ITGA2: variants seen among roughly 807,000 people sequenced by gnomAD.
ITGA2 encodes integrin alpha-2.
A neutral mutation model predicts 146.3 loss-of-function variants in ITGA2; 101 were observed. The ratio of observed to expected loss-of-function variants is 0.69; its 90% CI spans 0.59 to 0.81. ITGA2 has a LOEUF of 0.81. ITGA2 is among the 40% of genes least tolerant of loss of function. The pLI, the probability that ITGA2 is intolerant of heterozygous loss-of-function variation, is 0.00. For missense variants in ITGA2, 1,281 were observed against 1,402.7 expected (o/e 0.91, Z 1.39); for synonymous variants, 477 against 487.1 (o/e 0.98, Z 0.27).
intron 1 of ITGA2, among the ~76,000 whole-genome samples, chr5:53,019,149 A>C (rs1341005142): frequency 6.7e-6 from 1 of 149,052 alleles, no homozygotes; most frequent in Non-Finnish European, 1.5e-5. Flanking sequence ...GGGTACTTTA[A>C]AAAAATAATT....
At chr5:53,088,324 C>G (rs951269977) in intron 28 of ITGA2, among the ~76,000 whole-genome samples, 27 of 152,040 alleles carry the variant, frequency 1.8e-4, no homozygotes, top group Admixed American at 1.8e-3. Context: ...TTGGTTTCCT[C>G]TGAGCAATAC....
At chr5:53,028,808 A>G (rs1561102525) in intron 2 of ITGA2, among the ~76,000 whole-genome samples, 1 of 152,158 alleles carries the variant, frequency 6.6e-6, no homozygotes, top group Non-Finnish European at 1.5e-5. Context: ...TCCTATCACC[A>G]AAATACCAAT....
rs1402170053 is a variant in ITGA2, at chr5:53,090,502, T to C, written c.3466-17T>C. The C allele has an allele frequency of 3.1e-6, 5 of 1,612,114 alleles. No individual in the cohort carries two copies. Among genetic ancestry groups the C allele is most frequent in the East Asian group, 2.2e-5 (1 of 44,868 alleles). The stretch of plus-strand genomic sequence containing the variant: ...TAAGCCACGGGTGGTAACATTCTTA[T>C]ATCATCACCTTTACAGCTCGGCTTC... On this transcript the variant is annotated splice_polypyrimidine_tract_variant and intron_variant, in intron 29 of 29. Transcript: ENST00000296585.
At chr5:53,003,032 T>C (rs1392593319) in intron 1 of ITGA2, among the ~76,000 whole-genome samples, 3 of 152,192 alleles carry the variant, frequency 2.0e-5, no homozygotes, top group African/African-American at 7.2e-5. Flanking sequence ...GCTTTATTCT[T>C]ATGATAACCA....
In ITGA2 at chr5:53,062,915, TTTACTATCAAAGAGGTA is replaced by T; in HGVS notation, c.1589_1602+3del. On this transcript the variant is annotated splice_donor_variant and splice_donor_region_variant and coding_sequence_variant and intron_variant, in exon 13 of 30. Transcript: ENST00000296585. LOFTEE classifies it high-confidence loss of function. Reference sequence around the variant, plus strand: ...GAAAGAGGAAGGAAGAGTCTACCTGTTTACTATCAAAGAGGTAAAAAAAAAAAAATAAACTAATAGTT... The same window carrying T: ...GAAAGAGGAAGGAAGAGTCTACCTGTAAAAAAAAAAAATAAACTAATAGTT... 6.2e-7 allele frequency: 1 copy of T among 1,610,472 alleles called. No homozygotes were observed. The highest frequency in any genetic ancestry group is 1.1e-5 in the South Asian group (1 of 90,892).
intron 1 of ITGA2, among the ~76,000 whole-genome samples, chr5:53,024,924 A>G (rs890711975): frequency 1.3e-5 from 2 of 152,186 alleles, no homozygotes; most frequent in African/African-American, 4.8e-5. Flanking sequence ...ATATATATCT[A>G]TGCATATATA....
chr5:53,087,624 T>TAA (rs772266428), intron 28 of ITGA2, among the ~76,000 whole-genome samples: 24,986 of 117,868 alleles, frequency 0.21, 2,229 homozygotes, highest in East Asian at 0.29. Flanking sequence ...GTCCCCTTGA[T>TAA]AAAAAAAAAA....
At chr5:53,081,733 CATTTATTTCACCTGTGATCAGG>C (rs1481717702) in intron 26 of ITGA2, 37 bp downstream of exon 26, 2 of 1,358,304 alleles carry the variant, frequency 1.5e-6, no homozygotes, top group Non-Finnish European at 2.1e-6. Flanking sequence ...TCCCCTCATT[CATTTATTTCACCTGTGATCAGG>C]ACGCTGCTTT....
At chr5:53,005,227 C>T (rs1456177977) in intron 1 of ITGA2, among the ~76,000 whole-genome samples, 2 of 151,882 alleles carry the variant, frequency 1.3e-5, no homozygotes, top group Admixed American at 6.6e-5. Flanking sequence ...GTGTGCTTCT[C>T]GTGTGTGTCA....
rs746228957 is a variant in ITGA2 at position 53,051,377 on chromosome 5, G to A, written c.631-34G>A. On this transcript the variant is annotated intron_variant, in intron 6 of 29. Coordinates refer to ENST00000296585, the MANE Select transcript of ITGA2 (RefSeq NM_002203.4). ...AAGTAGAAATTATTTTTAATGTAAT[G>A]ACAGCCCATTAATAAATGTCTCCTC... 11 of 1,602,642 alleles carry A rather than the reference G, an allele frequency of 6.9e-6. No individual in the cohort carries two copies. The South Asian group carries it at 9.9e-5, about 14-fold the overall frequency.
chr5:53,089,583 C>G (rs1740316160), intron 28 of ITGA2: 1 of 221,496 alleles, frequency 4.5e-6, no homozygotes, highest in African/African-American at 2.3e-5. Flanking sequence ...CGACTCCCTT[C>G]CCCAAAGCTG....
intron 2 of ITGA2, among the ~76,000 whole-genome samples, chr5:53,039,531 G>A (rs10041086): frequency 0.38 from 57,026 of 151,550 alleles, 10,983 homozygotes; most frequent in Middle Eastern, 0.46. Context: ...ATCACCTGAC[G>A]TTAGGAGGTT....
rs75264904 is a variant in ITGA2, at chr5:53,009,976, G to A, written c.65-16772G>A. On this transcript the variant is annotated intron_variant, in intron 1 of 29. Coordinates refer to ENST00000296585, the MANE Select transcript of ITGA2 (RefSeq NM_002203.4). Reference sequence around the variant, plus strand: ...TCTATGGTACTTTGTTATAACAGGCGGAATGAAGACACTCATATTAGGAGT... The same window carrying A: ...TCTATGGTACTTTGTTATAACAGGCAGAATGAAGACACTCATATTAGGAGT... Among the ~76,000 whole-genome samples the A allele has an allele frequency of 3.3e-3, 499 of 152,198 alleles. 4 individuals carry two copies. The highest frequency in any genetic ancestry group is 0.011 in the African/African-American group (448 of 41,524).
intron 29 of ITGA2, 61 bp from the exon 30 acceptor site, chr5:53,090,458 T>A: frequency 4.1e-6 from 6 of 1,451,916 alleles, no homozygotes; most frequent in Non-Finnish European, 5.8e-6. Context: ...GCCAAGGGGG[T>A]CAGAGGCACC....
In ITGA2 at chr5:53,094,011, CAA is replaced by C. The variant is rs1740577030; in HGVS notation, c.*3413_*3414del. 6.6e-6 allele frequency: 1 copy of C among 152,670 alleles called. No homozygotes were observed. The highest frequency in any genetic ancestry group is 1.9e-4 in the East Asian group (1 of 5,182). 9.5% of individuals were successfully genotyped at this position (152,670 alleles called of 1,614,324 possible). ...CTAAAGCCAATTTATTATAGTCACA[CAA>C]GTGATTATACTAAAAATTATTATAA... is the stretch of plus-strand genomic sequence containing the variant. On this transcript the variant is annotated 3_prime_UTR_variant, in exon 30 of 30. Coordinates refer to ENST00000296585, the MANE Select transcript of ITGA2 (RefSeq NM_002203.4).
intron 7 of ITGA2, among the ~76,000 whole-genome samples, chr5:53,052,242 C>A (rs1744406554): frequency 6.6e-6 from 1 of 152,204 alleles, no homozygotes; most frequent in East Asian, 1.9e-4. Context: ...CTCCTAGTCC[C>A]CCACCCCTTG....
In ITGA2 at chr5:53,065,942, G is replaced by C; in HGVS notation, c.1908G>C (p.Val636=). The change falls in exon 15 of 30, where the codon GTG becomes GTC. Residue 636 remains valine, a synonymous_variant. Coordinates refer to ENST00000296585, the MANE Select transcript of ITGA2 (RefSeq NM_002203.4). ...GDLNGDSITD[V]SIGAFGQVVQ... is the part of the protein sequence containing the mutation. ...TAAATGGGGATTCCATCACCGATGTGTCTATTGGTGCCTTTGGACAAGTGG... is the reference window on the plus strand; with the variant it reads ...TAAATGGGGATTCCATCACCGATGTCTCTATTGGTGCCTTTGGACAAGTGG... 6.2e-7 allele frequency: 1 copy of C among 1,612,048 alleles called. No homozygotes were observed. The highest frequency in any genetic ancestry group is 1.3e-5 in the African/African-American group (1 of 74,858).
At chr5:53,077,292 C>T (rs1745705766) in intron 23 of ITGA2, among the ~76,000 whole-genome samples, 1 of 151,898 alleles carries the variant, frequency 6.6e-6, no homozygotes, top group Admixed American at 6.6e-5. Context: ...TAACAAACAT[C>T]TTTGCAAACT....
chr5:53,033,129 C>T (rs9968622), intron 2 of ITGA2, among the ~76,000 whole-genome samples: 5,572 of 152,102 alleles, frequency 0.037, 141 homozygotes, highest in East Asian at 0.074. Flanking sequence ...ATTAGCAGGG[C>T]GTGGTGGCAG....
Sources: allele counts gnomAD v4.1 joint callset (sites outside exome capture counted in the v4.1 genomes callset), GRCh38; gene constraint gnomAD v4.1.1; transcripts MANE v1.5; gene names NCBI Gene and HGNC (gene_info 2026-07-23, HGNC 2026-07-21).